The following GPHN variants were observed in gnomAD, a reference collection of about 807,000 sequenced individuals.
GPHN encodes gephyrin.
A neutral mutation model predicts 95.5 loss-of-function variants in GPHN; 17 were observed. The ratio of observed to expected loss-of-function variants is 0.18; its 90% CI spans 0.12 to 0.27. The LOEUF (loss-of-function observed/expected upper bound fraction) is 0.27, where lower values mean the gene tolerates loss of function less well. GPHN is among the 10% of genes least tolerant of loss of function. The pLI is 1.00. For missense variants in GPHN, 660 were observed against 978.1 expected (o/e 0.67, Z 4.34); for synonymous variants, 320 against 322.5 (o/e 0.99, Z 0.08).
At chr14:67,255,698 T>G in the GPHN span, among the ~76,000 whole-genome samples, 5 of 152,226 alleles carry the variant, frequency 3.3e-5, no homozygotes, top group East Asian at 9.6e-4. Flanking sequence ...GTTTTGTTTT[T>G]GAGATGGAGT....
At chr14:66,966,263 ATAATT>A (rs1836541538) in intron 9 of GPHN, among the ~76,000 whole-genome samples, 1 of 152,144 alleles carries the variant, frequency 6.6e-6, no homozygotes, top group African/African-American at 2.4e-5. Context: ...TGTGAATGTT[ATAATT>A]TAATTTGACT....
Position 66,924,242 on chromosome 14 carries a change from C to T in GPHN, c.778C>T (p.Gln260Ter), listed in dbSNP as rs2066362681. 2 of 1,611,740 alleles carry T rather than the reference C, an allele frequency of 1.2e-6. No homozygotes were observed. Among genetic ancestry groups the T allele is most frequent in the African/African-American group, 1.3e-5 (1 of 74,902 alleles). The change falls in exon 8 of 23, where the codon CAG becomes TAG. Residue 260 changes from glutamine (Q) to a stop codon, truncating the protein, a stop_gained. Transcript: ENST00000478722. LOFTEE classifies it high-confidence loss of function. ...TGCTGTTGTCATGGCACACGGTGAA[C>T]AGCCCATCCCTGGTCTCATCAATTA... is the stretch of plus-strand genomic sequence containing the variant. ...SPAVVMAHGE[Q>*]PIPGLINYSH...
At chr14:66,639,765 A>T (rs1295980844) in intron 1 of GPHN, among the ~76,000 whole-genome samples, 1 of 152,056 alleles carries the variant, frequency 6.6e-6, no homozygotes, top group Non-Finnish European at 1.5e-5. Flanking sequence ...TAACATATAA[A>T]CTATAGATGA....
intron 1 of GPHN, chr14:66,508,973 C>T (rs1447574718): frequency 6.4e-6 from 2 of 314,032 alleles, no homozygotes; most frequent in South Asian, 5.9e-5. Context: ...GCGCATCCTC[C>T]GCTAGTGCTC....
intron 10 of GPHN, among the ~76,000 whole-genome samples, chr14:67,032,793 G>C (rs941049849): frequency 1.3e-5 from 2 of 152,054 alleles, no homozygotes; most frequent in African/African-American, 4.8e-5. Flanking sequence ...CCTATATAAG[G>C]CCAGTCTGTA....
the GPHN span, among the ~76,000 whole-genome samples, chr14:67,512,164 A>G: frequency 9.2e-5 from 14 of 152,232 alleles, no homozygotes; most frequent in Non-Finnish European, 2.1e-4. Flanking sequence ...AATTTCCCCA[A>G]CACATGCATT....
chr14:67,404,237 C>G, the GPHN span, among the ~76,000 whole-genome samples: 1 of 152,168 alleles, frequency 6.6e-6, no homozygotes, highest in Non-Finnish European at 1.5e-5. Flanking sequence ...ACTGGCACAG[C>G]CTTCAAGGTC....
At chr14:66,879,381 A>G (rs1460291438) in intron 4 of GPHN, among the ~76,000 whole-genome samples, 1 of 151,338 alleles carries the variant, frequency 6.6e-6, no homozygotes, top group African/African-American at 2.4e-5. Flanking sequence ...AGAAATCTGA[A>G]AAAAAAAAGA....
chr14:67,513,070 T>C, the GPHN span, among the ~76,000 whole-genome samples: 2 of 152,198 alleles, frequency 1.3e-5, no homozygotes, highest in Non-Finnish European at 2.9e-5. Context: ...TTAAATCACT[T>C]TATAAATGTA....
At chr14:66,524,011 C>T (rs1241435547) in intron 1 of GPHN, among the ~76,000 whole-genome samples, 1 of 151,918 alleles carries the variant, frequency 6.6e-6, no homozygotes, top group Non-Finnish European at 1.5e-5. Context: ...TAACTAACAG[C>T]AAGAATTTGA....
At chr14:67,562,201 T>C in the GPHN span, 1 of 1,611,682 alleles carries the variant, frequency 6.2e-7, no homozygotes, top group Middle Eastern at 1.7e-4. Context: ...AGCAGGATTC[T>C]GTCCCTTCAG....
At chr14:67,164,917 GA>G (rs1166963179) in intron 19 of GPHN, among the ~76,000 whole-genome samples, 1,539 of 131,686 alleles carry the variant, frequency 0.012, 21 homozygotes, top group African/African-American at 0.036. Flanking sequence ...GCACTGGCAA[GA>G]AAAAAAAAAA....
chr14:66,556,221 T>A (rs961360758), intron 1 of GPHN, among the ~76,000 whole-genome samples: 12 of 152,198 alleles, frequency 7.9e-5, no homozygotes, highest in Non-Finnish European at 7.4e-5. Context: ...TGACTGTATA[T>A]GAATATTATT....
At chr14:66,810,455 T>C (rs1210093298) in intron 3 of GPHN, among the ~76,000 whole-genome samples, 1 of 151,790 alleles carries the variant, frequency 6.6e-6, no homozygotes, top group Non-Finnish European at 1.5e-5. Flanking sequence ...GCTATATTCA[T>C]CATGGAAAAA....
chr14:67,716,458 T>A, the GPHN span, among the ~76,000 whole-genome samples: 46 of 152,392 alleles, frequency 3.0e-4, 1 homozygote, highest in African/African-American at 1.1e-3. Flanking sequence ...TAAAAAATTT[T>A]CATTTTGAAA....
At chr14:67,077,722 A>G (rs149479205) in intron 11 of GPHN, among the ~76,000 whole-genome samples, 1 of 152,268 alleles carries the variant, frequency 6.6e-6, no homozygotes, top group East Asian at 1.9e-4. Flanking sequence ...GGAATTCATT[A>G]ATCACTGTTA....
the GPHN span, among the ~76,000 whole-genome samples, chr14:67,297,311 A>AT: frequency 6.6e-6 from 1 of 152,218 alleles, no homozygotes; most frequent in Non-Finnish European, 1.5e-5. Context: ...GAAAATATGA[A>AT]TTAATTTATA....
the GPHN span, among the ~76,000 whole-genome samples, chr14:67,566,143 G>A: frequency 4.6e-5 from 7 of 152,084 alleles, no homozygotes; most frequent in South Asian, 4.1e-4. Flanking sequence ...ATGCTGGTTC[G>A]GGAGGCACAC....
chr14:67,431,633 A>G, the GPHN span, among the ~76,000 whole-genome samples: 2 of 152,118 alleles, frequency 1.3e-5, no homozygotes, highest in African/African-American at 4.8e-5. Flanking sequence ...TCCAGGCTGC[A>G]GTGAGCTGAG....
Sources: gnomAD v4.1 joint callset for allele counts (sites outside exome capture counted in the v4.1 genomes callset) on GRCh38, gnomAD v4.1.1 for gene constraint, MANE v1.5 for transcripts, NCBI Gene and HGNC (gene_info 2026-07-23, HGNC 2026-07-21) for gene names.